The following KIAA0513 variants were observed in gnomAD, a reference collection of about 807,000 sequenced individuals.
The protein encoded by KIAA0513 is KIAA0513, also known as uncharacterized protein KIAA0513.
Under a neutral mutation model 56.5 loss-of-function variants are expected in KIAA0513, and 39 were observed. The ratio of observed to expected loss-of-function variants is 0.69; its 90% CI spans 0.53 to 0.90. KIAA0513 has a LOEUF of 0.90. Among genes scored for constraint, KIAA0513 ranks in the 40% least tolerant of loss-of-function variants. The probability of loss-of-function intolerance (pLI) is 0.00; values close to 1 mark genes in which losing one functional copy is unlikely to be tolerated. For synonymous variants in KIAA0513, 268 were observed against 215.6 expected, an observed-to-expected ratio of 1.24 and a Z score of -2.13; for missense variants, 591 against 535.2, an observed-to-expected ratio of 1.10 and a Z score of -1.03.
chr16:85,055,855 G>A (rs925229856), intron 1 of KIAA0513, among the ~76,000 whole-genome samples: 1 of 152,176 alleles, frequency 6.6e-6, no homozygotes, highest in African/African-American at 2.4e-5. Flanking sequence ...TGTGACAGCC[G>A]AGTGCTCGGA....
chr16:85,085,392 T>C (rs907820668), intron 10 of KIAA0513, among the ~76,000 whole-genome samples: 3 of 152,220 alleles, frequency 2.0e-5, no homozygotes, highest in African/African-American at 7.2e-5. Context: ...CAGGAGATCA[T>C]GTTCCTTTGT....
At chr16:85,033,993 TG>T (rs1283466431) in intron 1 of KIAA0513, among the ~76,000 whole-genome samples, 1 of 152,024 alleles carries the variant, frequency 6.6e-6, no homozygotes, top group Non-Finnish European at 1.5e-5. Flanking sequence ...CCTCACCCCG[TG>T]GGCCATGCTC....
intron 1 of KIAA0513, among the ~76,000 whole-genome samples, chr16:85,063,832 C>T (rs1262868905): frequency 1.3e-5 from 2 of 151,812 alleles, no homozygotes; most frequent in African/African-American, 4.8e-5. Context: ...CTTCAGTATT[C>T]GCAGGCCTCT....
chr16:85,032,281 C>T (rs1597584115), intron 1 of KIAA0513, among the ~76,000 whole-genome samples: 1 of 152,362 alleles, frequency 6.6e-6, no homozygotes, highest in Non-Finnish European at 1.5e-5. Flanking sequence ...GTCTGCCTCT[C>T]TTCTCCTCTT....
At chr16:85,050,142 C>G (rs1003550207) in intron 1 of KIAA0513, among the ~76,000 whole-genome samples, 2 of 151,914 alleles carry the variant, frequency 1.3e-5, no homozygotes, top group African/African-American at 4.8e-5. Context: ...TGCACTGTCT[C>G]GGTGCCTGAA....
At chr16:85,067,973 GC>G (rs1429554349) in intron 2 of KIAA0513, among the ~76,000 whole-genome samples, 2 of 151,848 alleles carry the variant, frequency 1.3e-5, no homozygotes, top group Non-Finnish European at 2.9e-5. Context: ...ACCACGCTTG[GC>G]TAATTTTTGT....
rs535026771 is a variant in KIAA0513 at position 85,076,440 on chromosome 16, G to T, written c.574+526G>T. On this transcript the variant is annotated intron_variant, in intron 5 of 12. Coordinates refer to ENST00000683363, the MANE Select transcript of KIAA0513 (RefSeq NM_001388359.1). The surrounding 1 kb of genome is among the most constrained non-coding windows in gnomAD (Gnocchi z 4.7). Reference sequence around the variant, plus strand: ...CGCCTCATTGCGTTGGCACTTTCTCGTATGTTGGAGCTCAAGGGCTTCCTG... The same window carrying T: ...CGCCTCATTGCGTTGGCACTTTCTCTTATGTTGGAGCTCAAGGGCTTCCTG... Among the ~76,000 whole-genome samples the T allele has an allele frequency of 6.6e-5, 10 of 152,130 alleles. No individual in the cohort carries two copies. The highest frequency in any genetic ancestry group is 1.5e-4 in the Non-Finnish European group (10 of 68,012).
intron 1 of KIAA0513, among the ~76,000 whole-genome samples, chr16:85,037,479 A>G (rs771508162): frequency 6.6e-6 from 1 of 152,206 alleles, no homozygotes; most frequent in Non-Finnish European, 1.5e-5. Flanking sequence ...CGAGAATGCA[A>G]TAAAAGAATG....
At chr16:85,033,940 A>G (rs1430259239) in intron 1 of KIAA0513, among the ~76,000 whole-genome samples, 1 of 150,434 alleles carries the variant, frequency 6.6e-6, no homozygotes, top group African/African-American at 2.5e-5. Context: ...GTCTCCTTCC[A>G]GAGATCCAGT....
intron 3 of KIAA0513, 84 bp from the exon 4 acceptor site, chr16:85,072,841 C>A (rs1477247175): frequency 2.3e-6 from 3 of 1,329,082 alleles, no homozygotes; most frequent in South Asian, 1.2e-5. Context: ...TTTGGAAACA[C>A]TGAGAGTGCA....
At chr16:85,050,998 T>C (rs569381154) in intron 1 of KIAA0513, among the ~76,000 whole-genome samples, 2 of 152,066 alleles carry the variant, frequency 1.3e-5, no homozygotes, top group East Asian at 1.9e-4. Flanking sequence ...ACTACAAAAA[T>C]GTGTTAAAAA....
At chr16:85,062,286 G>T (rs1021403694) in intron 1 of KIAA0513, among the ~76,000 whole-genome samples, 1 of 151,888 alleles carries the variant, frequency 6.6e-6, no homozygotes, top group African/African-American at 2.4e-5. Context: ...CACAGTAACC[G>T]ATGCATAGTA....
chr16:85,034,197 G>A (rs2073004456), intron 1 of KIAA0513, among the ~76,000 whole-genome samples: 1 of 152,124 alleles, frequency 6.6e-6, no homozygotes, highest in Non-Finnish European at 1.5e-5. Flanking sequence ...TGGCCAACAT[G>A]GTGAAAACCT....
chr16:85,042,869 A>G (rs547132763), intron 1 of KIAA0513, among the ~76,000 whole-genome samples: 2 of 152,346 alleles, frequency 1.3e-5, no homozygotes, highest in African/African-American at 4.8e-5. Context: ...GGCTTCTGAC[A>G]TTCCCCGAGA....
rs753148289 is a variant in KIAA0513, at chr16:85,077,632, A to T, written c.782A>T (p.Glu261Val). The change falls in exon 6 of 13, where the codon GAG becomes GTG. Residue 261 changes from glutamate (E) to valine (V), a missense_variant and splice_region_variant. Glu to Val is a moderately radical substitution (Grantham distance 121). Coordinates refer to ENST00000683363, the MANE Select transcript of KIAA0513 (RefSeq NM_001388359.1). The stretch of plus-strand genomic sequence containing the variant: ...AAGGGGCCCCTGGCCAGGAGGAACG[A>T]GTACGTGTGGCCTTGGGGTCCCTCC... ...KLKGPLARRN[E>V]EDENKPQEKR... 3 of 1,606,102 alleles carry T rather than the reference A, an allele frequency of 1.9e-6. No homozygotes were observed. Among genetic ancestry groups the T allele is most frequent in the Non-Finnish European group, 2.6e-6 (3 of 1,175,276 alleles).
At chr16:85,072,224 C>T (rs1287853569) in intron 3 of KIAA0513, among the ~76,000 whole-genome samples, 1 of 152,052 alleles carries the variant, frequency 6.6e-6, no homozygotes, top group African/African-American at 2.4e-5. Flanking sequence ...TAGTGAGAAA[C>T]AGGAAGTAGC....
intron 4 of KIAA0513, among the ~76,000 whole-genome samples, chr16:85,074,252 G>T (rs1156310542): frequency 6.6e-6 from 1 of 151,688 alleles, no homozygotes; most frequent in Non-Finnish European, 1.5e-5. Flanking sequence ...TGGGATTACA[G>T]GAGTGAGCCA....
At chr16:85,087,398 T>G (rs1289270507) in intron 12 of KIAA0513, among the ~76,000 whole-genome samples, 1 of 152,144 alleles carries the variant, frequency 6.6e-6, no homozygotes, top group Non-Finnish European at 1.5e-5. Flanking sequence ...ATTGCGGGCA[T>G]TGGGGCCATA....
chr16:85,092,760 G>C lies in KIAA0513; in HGVS notation c.*4435G>C, dbSNP rs1350712977. ...CACAGGAAAGGGGAGTCGGATGCCA[G>C]CTGCACCCCGCCTGGCTCGCACAGG... On this transcript the variant is annotated 3_prime_UTR_variant, in exon 13 of 13. Transcript: ENST00000683363. The C allele has an allele frequency of 6.6e-6, 1 of 152,288 alleles. No homozygotes were observed. Among genetic ancestry groups the C allele is most frequent in the Non-Finnish European group, 1.5e-5 (1 of 68,092 alleles). The allele number at this position is 152,288 out of a possible 1,614,324, so 9.4% of individuals were successfully genotyped here. A position where few individuals can be genotyped will look rare whatever the true frequency, so the allele number is the denominator to read the frequency against.
Sources: gnomAD v4.1 joint callset for allele counts (sites outside exome capture counted in the v4.1 genomes callset) on GRCh38, gnomAD v4.1.1 for gene constraint, Gnocchi (gnomAD v3.1) non-coding constraint, MANE v1.5 for transcripts, NCBI Gene and HGNC (gene_info 2026-07-23, HGNC 2026-07-21) for gene names.